PCLAF: variants seen among roughly 807,000 people sequenced by gnomAD.
PCLAF encodes the protein PCNA clamp associated factor, also known as PCNA-associated factor.
Under a neutral mutation model 15.1 loss-of-function variants are expected in PCLAF, and 12 were observed. The observed-to-expected ratio is 0.79, with a 90% CI of 0.51 to 1.29. PCLAF has a LOEUF of 1.29. PCLAF is among the 50% of genes most tolerant of loss of function. PCLAF has a pLI of 0.00. For synonymous variants in PCLAF, 33 were observed against 47.1 expected, an observed-to-expected ratio of 0.70 and a Z score of 1.22; for missense variants, 116 against 130.9, an observed-to-expected ratio of 0.89 and a Z score of 0.56.
chr15:64,370,298 C>A (rs1161410918), intron 3 of PCLAF, among the ~76,000 whole-genome samples: 2 of 150,244 alleles, frequency 1.3e-5, no homozygotes, highest in Non-Finnish European at 3.0e-5. Flanking sequence ...GTCTCAAACT[C>A]CTGGGCTCAA....
At chr15:64,383,373 T>G (rs548992504), upstream of PCLAF, among the ~76,000 whole-genome samples, 534 of 146,448 alleles carry the variant, frequency 3.6e-3, 1 homozygote, top group African/African-American at 0.012. Context: ...GTGTGTGTGT[T>G]TTTTTTTTTT....
chr15:64,371,796 C>CAGG (rs1899327063), intron 3 of PCLAF, among the ~76,000 whole-genome samples: 1 of 151,944 alleles, frequency 6.6e-6, no homozygotes, highest in African/African-American at 2.4e-5. Flanking sequence ...CGAGTTTCAC[C>CAGG]ATGTTCTCCA....
chr15:64,374,481 G>A (rs1899509528), intron 3 of PCLAF, among the ~76,000 whole-genome samples: 1 of 151,802 alleles, frequency 6.6e-6, no homozygotes, highest in African/African-American at 2.4e-5. Context: ...GGAGGTTGCA[G>A]TGAGCCGAGA....
At position 64,381,308 on chromosome 15, in the gene PCLAF, C is replaced by A. The variant is rs1359554859; in HGVS notation, c.46+18G>T. The A allele has an allele frequency of 1.2e-6, 2 of 1,613,994 alleles. No homozygotes were observed. Among genetic ancestry groups the A allele is most frequent in the South Asian group, 2.2e-5 (2 of 91,086 alleles). On this transcript the variant is annotated intron_variant, in intron 1 of 3. Coordinates refer to ENST00000300035, the MANE Select transcript of PCLAF (RefSeq NM_014736.6). ...GGAGGACCCCCCCGCCCTCCAGTACCACACTCGATCGCCTCACCTTTTCTG... is the reference window on the plus strand; with the variant it reads ...GGAGGACCCCCCCGCCCTCCAGTACAACACTCGATCGCCTCACCTTTTCTG...
At chr15:64,387,135 G>A (rs1296182845) in intron 1 of PCLAF, among the ~76,000 whole-genome samples, 1 of 151,892 alleles carries the variant, frequency 6.6e-6, no homozygotes, top group African/African-American at 2.4e-5. Context: ...AAGTTTTAGC[G>A]GTGTGAATCT....
upstream of PCLAF, among the ~76,000 whole-genome samples, chr15:64,383,849 G>T (rs891745818): frequency 2.0e-5 from 3 of 151,978 alleles, no homozygotes; most frequent in Non-Finnish European, 2.9e-5. Flanking sequence ...TTCCACCCGG[G>T]GCAGTCTACA....
At chr15:64,381,177 C>A in intron 1 of PCLAF, 139 bp from the exon 2 acceptor site, 1 of 1,208,062 alleles carries the variant, frequency 8.3e-7, no homozygotes, top group Non-Finnish European at 1.2e-6. Context: ...GCGACTTCCT[C>A]TTCTAGGTAA....
At chr15:64,386,472 C>T (rs1899939632) in intron 1 of PCLAF, among the ~76,000 whole-genome samples, 1 of 152,142 alleles carries the variant, frequency 6.6e-6, no homozygotes, top group Non-Finnish European at 1.5e-5. Flanking sequence ...AGGCATGTGC[C>T]ACCATGCCAG....
At position 64,381,050 on chromosome 15, in the gene PCLAF, G is replaced by C. The variant is rs1386995309; in HGVS notation, c.47-12C>G. On this transcript the variant is annotated splice_polypyrimidine_tract_variant and intron_variant, in intron 1 of 3. Transcript: ENST00000300035. ...TCGAGCAGCCACCACTGTGAAGAGA[G>C]GCAAAAAAGGGTGTTCAGAAGGGGC... 1 of 1,611,028 alleles carries C rather than the reference G, an allele frequency of 6.2e-7. No homozygotes were observed. Among genetic ancestry groups the C allele is most frequent in the Non-Finnish European group, 8.5e-7 (1 of 1,178,998 alleles).
At chr15:64,377,150 A>G (rs1261024501) in intron 2 of PCLAF, among the ~76,000 whole-genome samples, 9 of 151,898 alleles carry the variant, frequency 5.9e-5, no homozygotes, top group Non-Finnish European at 8.8e-5. Context: ...AAATATTTTT[A>G]TATTTTGTCC....
chr15:64,384,044 G>C (rs891686275), upstream of PCLAF, among the ~76,000 whole-genome samples: 1 of 152,128 alleles, frequency 6.6e-6, no homozygotes, highest in African/African-American at 2.4e-5. Context: ...AACACAGAGA[G>C]TGGTGTGGAG....
At chr15:64,384,190 A>G (rs1899889556), upstream of PCLAF, among the ~76,000 whole-genome samples, 1 of 152,130 alleles carries the variant, frequency 6.6e-6, no homozygotes, top group Non-Finnish European at 1.5e-5. Context: ...GCTGGAATGC[A>G]GTGGCACGAT....
chr15:64,367,009 T>A (rs1360467580), intron 3 of PCLAF, among the ~76,000 whole-genome samples: 1 of 151,144 alleles, frequency 6.6e-6, no homozygotes, highest in African/African-American at 2.4e-5. Flanking sequence ...CACATCCCTA[T>A]AGTTTCAGCG....
intron 3 of PCLAF, among the ~76,000 whole-genome samples, chr15:64,375,942 G>A (rs1899588861): frequency 2.6e-5 from 4 of 152,144 alleles, no homozygotes; most frequent in Admixed American, 2.6e-4. Context: ...TTTGAAATTT[G>A]CTGGCTGGAT....
intron 2 of PCLAF, among the ~76,000 whole-genome samples, chr15:64,379,059 A>T (rs1899729313): frequency 6.6e-6 from 1 of 152,206 alleles, no homozygotes; most frequent in Non-Finnish European, 1.5e-5. Flanking sequence ...AATTATTCGG[A>T]TTAAAAATAG....
chr15:64,381,442 A>T, upstream of PCLAF: 3 of 1,607,914 alleles, frequency 1.9e-6, no homozygotes, highest in Non-Finnish European at 2.5e-6. Flanking sequence ...CTGGACAAGG[A>T]CCCGAAAACT....
chr15:64,378,082 C>A lies in PCLAF; in HGVS notation c.128-1177G>T, dbSNP rs185512572. Among the ~76,000 whole-genome samples the A allele has an allele frequency of 4.5e-3, 685 of 152,150 alleles. 1 individual carries two copies. Among genetic ancestry groups the A allele is most frequent in the Non-Finnish European group, 7.0e-3 (474 of 68,020 alleles). ...AGCAGTTGGGACTACAGGCGCCCGC[C>A]ACCACACCTGGCTAATTTTTTGTAC... On this transcript the variant is annotated intron_variant, in intron 2 of 3. Transcript: ENST00000300035.
At chr15:64,369,068 G>T (rs927134154) in intron 3 of PCLAF, among the ~76,000 whole-genome samples, 1 of 152,058 alleles carries the variant, frequency 6.6e-6, no homozygotes, top group Admixed American at 6.6e-5. Flanking sequence ...TATCCAAAAT[G>T]TATCCCTCTG....
rs533661042 is a variant in PCLAF, at chr15:64,370,736, C to T, written c.291-4661G>A. 2.3e-4 allele frequency among the ~76,000 whole-genome samples: 34 copies of T among 150,552 alleles called. No homozygotes were observed. In the South Asian group the frequency reaches 4.4e-3, roughly 20 times the overall value. On this transcript the variant is annotated intron_variant, in intron 3 of 3. Coordinates refer to ENST00000300035, the MANE Select transcript of PCLAF (RefSeq NM_014736.6). ...TTGTAAAAGTTTTACTTACCAGAAT[C>T]AAGTCCACTTATGCTTAGGCCCAGG... is the stretch of plus-strand genomic sequence containing the variant.
Sources: allele counts gnomAD v4.1 joint callset (sites outside exome capture counted in the v4.1 genomes callset), GRCh38; gene constraint gnomAD v4.1.1; transcripts MANE v1.5; gene names NCBI Gene and HGNC (gene_info 2026-07-23, HGNC 2026-07-21).